KIAA1217: variants seen among roughly 807,000 people sequenced by gnomAD.
The protein encoded by KIAA1217 is sickle tail protein homolog.
KIAA1217 carries 88 observed loss-of-function variants against 163.9 expected under a neutral mutation model. The observed-to-expected ratio is 0.54, with a 90% confidence interval of 0.45 to 0.64. KIAA1217 has a LOEUF of 0.64. Among genes scored for constraint, KIAA1217 ranks in the 30% least tolerant of loss-of-function variants. KIAA1217 has a pLI of 0.00. For synonymous variants in KIAA1217, 903 were observed against 923.1 expected, an observed-to-expected ratio of 0.98 and a Z score of 0.39; for missense variants, 2,372 against 2,475.0, an observed-to-expected ratio of 0.96 and a Z score of 0.88.
At chr10:24,454,405 C>T (rs1347878334) in intron 5 of KIAA1217, among the ~76,000 whole-genome samples, 2 of 152,168 alleles carry the variant, frequency 1.3e-5, no homozygotes, top group East Asian at 1.9e-4. Flanking sequence ...CATCAAAGGT[C>T]GTGCTTTGCC....
intron 9 of KIAA1217, among the ~76,000 whole-genome samples, chr10:24,512,649 T>G (rs766528966): frequency 1.3e-5 from 2 of 152,258 alleles, no homozygotes; most frequent in Non-Finnish European, 2.9e-5. Context: ...TCCTATGTTT[T>G]AAGCATCTGT....
chr10:24,544,760 G>T (rs939750313), intron 19 of KIAA1217, among the ~76,000 whole-genome samples: 2 of 152,156 alleles, frequency 1.3e-5, no homozygotes, highest in African/African-American at 4.8e-5. Context: ...CTGTTGAAAT[G>T]GTTGCTCTGA....
chr10:24,112,844 C>T (rs1314965729), intron 2 of KIAA1217, among the ~76,000 whole-genome samples: 3 of 152,100 alleles, frequency 2.0e-5, no homozygotes, highest in Non-Finnish European at 4.4e-5. Context: ...CCTCAGCCTC[C>T]CACAGTGCTG....
At chr10:24,299,389 C>T (rs1042164740) in intron 2 of KIAA1217, among the ~76,000 whole-genome samples, 5 of 152,218 alleles carry the variant, frequency 3.3e-5, no homozygotes, top group East Asian at 3.9e-4. Flanking sequence ...CTCATGGCAA[C>T]GTAAGTGCCT....
At chr10:23,959,005 C>T (rs1332071388) in intron 1 of KIAA1217, among the ~76,000 whole-genome samples, 2 of 149,848 alleles carry the variant, frequency 1.3e-5, no homozygotes, top group East Asian at 3.9e-4. Context: ...TCTGTGCCAG[C>T]CACGCTCTCG....
At chr10:24,180,000 C>T (rs1366890) in intron 2 of KIAA1217, among the ~76,000 whole-genome samples, 109,876 of 152,076 alleles carry the variant, frequency 0.72, 40,029 homozygotes, top group Middle Eastern at 0.8. Flanking sequence ...ATTATTTAAT[C>T]AGTTTTATTA....
rs115000364 is a variant in KIAA1217 at position 24,419,440 on chromosome 10, C to T, written c.554-13555C>T. 9.8e-3 allele frequency among the ~76,000 whole-genome samples: 1,498 copies of T among 152,160 alleles called. 23 individuals are homozygous for T. The highest frequency in any genetic ancestry group is 0.034 in the African/African-American group (1,420 of 41,508). The stretch of plus-strand genomic sequence containing the variant: ...ACAGATGTTAGTGTCTGTTTAATGT[C>T]TGAGAGGCAGAATGGTACAGTGGTG... On this transcript the variant is annotated intron_variant, in intron 3 of 20. Coordinates refer to ENST00000376454, the MANE Select transcript of KIAA1217 (RefSeq NM_019590.5).
chr10:23,783,905 A>T (rs191830746), intron 1 of KIAA1217, among the ~76,000 whole-genome samples: 311 of 151,836 alleles, frequency 2.0e-3, no homozygotes, highest in African/African-American at 7.1e-3. Flanking sequence ...ATCCATTGTA[A>T]TGTCTCTCCC....
At chr10:23,913,305 C>T (rs970256022) in intron 1 of KIAA1217, among the ~76,000 whole-genome samples, 3 of 151,536 alleles carry the variant, frequency 2.0e-5, no homozygotes, top group African/African-American at 4.9e-5. Flanking sequence ...CACAGACAGC[C>T]GATGAAGTAC....
chr10:23,928,274 C>G (rs1843112545), intron 1 of KIAA1217, among the ~76,000 whole-genome samples: 1 of 152,194 alleles, frequency 6.6e-6, no homozygotes, highest in Non-Finnish European at 1.5e-5. Flanking sequence ...AACGTTGTTT[C>G]TAGCTCTTTC....
At chr10:24,281,132 G>A (rs2077873571) in intron 2 of KIAA1217, among the ~76,000 whole-genome samples, 1 of 152,178 alleles carries the variant, frequency 6.6e-6, no homozygotes, top group South Asian at 2.1e-4. Flanking sequence ...GAAAAATTGT[G>A]AAGATAGCAC....
intron 2 of KIAA1217, among the ~76,000 whole-genome samples, chr10:24,088,274 T>TATATATAC (rs1285415158): frequency 2.8e-5 from 3 of 107,246 alleles, no homozygotes; most frequent in African/African-American, 9.3e-5. Context: ...TATATATATA[T>TATATATAC]ACACACATAT....
At position 24,186,483 on chromosome 10, in the gene KIAA1217, A is replaced by C. The variant is rs533803677; in HGVS notation, c.-170-33143A>C. Among the ~76,000 whole-genome samples the C allele has an allele frequency of 2.6e-5, 4 of 152,292 alleles. No homozygotes were observed. The South Asian group carries it at 8.3e-4, about 32-fold the overall frequency. Reference sequence around the variant, plus strand: ...AACTCATGTCCTTTATTTCAATAAAACGTCTTGAATTATCTTTGGATATAA... The same window carrying C: ...AACTCATGTCCTTTATTTCAATAAACCGTCTTGAATTATCTTTGGATATAA... On this transcript the variant is annotated intron_variant, in intron 2 of 18. Coordinates refer to the KIAA1217 transcript ENST00000376462.
At chr10:24,415,914 C>T (rs933950886) in intron 3 of KIAA1217, among the ~76,000 whole-genome samples, 2 of 152,126 alleles carry the variant, frequency 1.3e-5, no homozygotes, top group African/African-American at 2.4e-5. Context: ...GGCCTGAGGA[C>T]GTGGGAGGAG....
intron 10 of KIAA1217, among the ~76,000 whole-genome samples, chr10:24,518,637 G>A (rs2070591532): frequency 6.6e-6 from 1 of 152,172 alleles, no homozygotes; most frequent in African/African-American, 2.4e-5. Context: ...AGTCAATACA[G>A]GGAAGTCATT....
intron 1 of KIAA1217, among the ~76,000 whole-genome samples, chr10:23,910,540 T>G (rs1380730189): frequency 2.0e-5 from 3 of 152,084 alleles, no homozygotes; most frequent in African/African-American, 7.2e-5. Context: ...CTCCCTAACC[T>G]AGGAGAGACT....
chr10:24,436,006 G>T (rs2059988322), intron 4 of KIAA1217, among the ~76,000 whole-genome samples: 1 of 151,808 alleles, frequency 6.6e-6, no homozygotes, highest in African/African-American at 2.4e-5. Flanking sequence ...GACTACAGGT[G>T]TGCGCCACCA....
rs537376065 is a variant in KIAA1217, at chr10:24,440,495, GA to G, written c.846+2017del. Among the ~76,000 whole-genome samples the G allele has an allele frequency of 2.1e-4, 32 of 152,298 alleles. 1 individual carries two copies. The South Asian group carries it at 6.6e-3, about 32-fold the overall frequency. On this transcript the variant is annotated intron_variant, in intron 5 of 20. Coordinates refer to ENST00000376454, the MANE Select transcript of KIAA1217 (RefSeq NM_019590.5). ...TGAGAATCTTGTTTGTGGCTGGAAA[GA>G]CACCTGTTTTAACCCTCCAGCAGCT...
rs1317369704 is a variant in KIAA1217, at chr10:24,544,396, A to G, written c.5126A>G (p.Glu1709Gly). 6.2e-7 allele frequency: 1 copy of G among 1,613,964 alleles called. No individual in the cohort carries two copies. The highest frequency in any genetic ancestry group is 8.5e-7 in the Non-Finnish European group (1 of 1,180,028). ...SVASSSHIAQEASPRPLLVPD... is the reference protein window; with the variant it reads ...SVASSSHIAQGASPRPLLVPD... ...GCAAGTTCATCCCACATAGCCCAAG[A>G]GGCCTCTCCCCGACCCTTGCTAGTT... Residue 1709 changes from glutamate (E) to glycine (G), a missense_variant, in exon 19 of 21, where the codon GAG (glutamate) becomes GGG (glycine). Around this residue, in one of 3 missense-constraint regions of KIAA1217, gnomAD observed 690 missense variants for 677.5 expected, o/e 1.02. Transcript: ENST00000376454.
Sources: allele counts gnomAD v4.1 joint callset (sites outside exome capture counted in the v4.1 genomes callset), GRCh38; gene constraint gnomAD v4.1.1; regional missense constraint gnomAD v4.1.1; transcripts MANE v1.5; gene names NCBI Gene and HGNC (gene_info 2026-07-23, HGNC 2026-07-21).